Variants in SDK2 observed in about 807,000 individuals in gnomAD.
The protein encoded by SDK2 is protein sidekick-2.
SDK2 carries 105 observed loss-of-function variants against 253.9 expected under a neutral mutation model. The observed-to-expected ratio is 0.41, with a 90% CI of 0.35 to 0.49. SDK2 has a LOEUF of 0.49. SDK2 is among the 20% of genes least tolerant of loss of function. The pLI is 0.06. For missense variants in SDK2, 2,608 were observed against 3,003.0 expected (o/e 0.87, Z 3.07); for synonymous variants, 1,249 against 1,234.9 (o/e 1.01, Z -0.24).
chr17:73,423,816 G>A lies in SDK2; in HGVS notation c.1760+100C>T, dbSNP rs73347744. On this transcript the variant is annotated intron_variant, in intron 13 of 44. Coordinates refer to ENST00000392650, the MANE Select transcript of SDK2 (RefSeq NM_001144952.2). The stretch of plus-strand genomic sequence containing the variant: ...CAAAGCTGAACAGTTCAGGTCACAC[G>A]TGGCCTGGGGATCTGAAAAAAGGGA... 6,063 of 975,838 alleles carry A rather than the reference G, an allele frequency of 6.2e-3. 234 individuals are homozygous for A. In the African/African-American group the frequency reaches 0.11, roughly 18 times the overall value. The allele number at this position is 975,838 out of a possible 1,614,324, so 60.4% of individuals were successfully genotyped here. A position where few individuals can be genotyped will look rare whatever the true frequency, so the allele number is the denominator to read the frequency against.
chr17:73,557,456 C>G (rs946766552), intron 1 of SDK2, among the ~76,000 whole-genome samples: 1 of 152,132 alleles, frequency 6.6e-6, no homozygotes, highest in African/African-American at 2.4e-5. Flanking sequence ...GTGTGTACCA[C>G]CACATCTGGC....
At chr17:73,494,108 TGA>T (rs1203241433) in intron 2 of SDK2, among the ~76,000 whole-genome samples, 1 of 152,112 alleles carries the variant, frequency 6.6e-6, no homozygotes, top group Admixed American at 6.5e-5. Flanking sequence ...ACCAGGGAAA[TGA>T]CACTGAGTGA....
intron 3 of SDK2, among the ~76,000 whole-genome samples, chr17:73,470,634 A>G (rs1201873186): frequency 2.0e-5 from 3 of 152,346 alleles, no homozygotes; most frequent in Admixed American, 2.0e-4. Flanking sequence ...TTATGGGGAC[A>G]ATCCATCCTC....
At chr17:73,560,715 T>C (rs1277365722) in intron 1 of SDK2, among the ~76,000 whole-genome samples, 1 of 152,050 alleles carries the variant, frequency 6.6e-6, no homozygotes, top group African/African-American at 2.4e-5. Flanking sequence ...GCTGTGTAAA[T>C]ACAGAACTTC....
In SDK2 at chr17:73,402,159, A is replaced by G; in HGVS notation, c.2485-18T>C. On this transcript the variant is annotated intron_variant, in intron 18 of 44. Transcript: ENST00000392650. ...GCGATCAGCTGCGGAGAGGCGAGCA[A>G]GTCACACAGGGCAGCAGGAAGGTTC... The G allele has an allele frequency of 6.2e-7, 1 of 1,609,404 alleles. No homozygotes were observed. Among genetic ancestry groups the G allele is most frequent in the Non-Finnish European group, 8.5e-7 (1 of 1,177,212 alleles).
Position 73,402,116 on chromosome 17 carries a change from TC to T in SDK2, c.2509del (p.Glu837LysfsTer7). On this transcript the variant is annotated frameshift_variant, in exon 19 of 45. Coordinates refer to ENST00000392650, the MANE Select transcript of SDK2 (RefSeq NM_001144952.2). LOFTEE classifies it high-confidence loss of function. Reference sequence around the variant, plus strand: ...GGCGGTCACCATGGTAACCTCCTCTTCCTGTTCCGGCTCCCAGGCGATCAGC... The same window carrying T: ...GGCGGTCACCATGGTAACCTCCTCTTCTGTTCCGGCTCCCAGGCGATCAGC... ...YKLIAWEPEQ[E>X]EEVTMVTARP... is the part of the protein sequence containing the mutation. 1 of 1,613,900 alleles carries T rather than the reference TC, an allele frequency of 6.2e-7. No individual in the cohort carries two copies. The highest frequency in any genetic ancestry group is 2.2e-5 in the East Asian group (1 of 44,876).
Position 73,401,988 on chromosome 17 carries a change from C to T in SDK2, c.2638G>A (p.Gly880Arg). ...SVLCFTTPGD[G>R]PRSTPQLVRT... The stretch of plus-strand genomic sequence containing the variant: ...ACCAGCTGCGGGGTGCTGCGTGGCC[C>T]GTCCCCGGGGGTGGTGAAACACAGC... The change falls in exon 19 of 45, where the codon GGG (glycine) becomes AGG (arginine). Residue 880 changes from glycine (G) to arginine (R), a missense_variant. By Grantham distance (125) the Gly-to-Arg change is moderately radical. Transcript: ENST00000392650. 1 of 1,613,396 alleles carries T rather than the reference C, an allele frequency of 6.2e-7. No individual in the cohort carries two copies. The highest frequency in any genetic ancestry group is 2.2e-5 in the East Asian group (1 of 44,844).
intron 5 of SDK2, 135 bp from the exon 6 acceptor site, chr17:73,441,058 C>A: frequency 1.6e-6 from 1 of 628,356 alleles, no homozygotes; most frequent in Admixed American, 2.9e-5. Flanking sequence ...AGCCCCAGAG[C>A]AGACCTCCAG....
At chr17:73,393,801 T>C (rs1462474794) in intron 26 of SDK2, 52 bp from the exon 27 acceptor site, 2 of 1,395,404 alleles carry the variant, frequency 1.4e-6, no homozygotes, top group African/African-American at 1.4e-5. Flanking sequence ...CTCACCCATC[T>C]ACACTTTTCC....
At chr17:73,483,704 TA>T (rs1208071498) in intron 2 of SDK2, among the ~76,000 whole-genome samples, 713 of 66,438 alleles carry the variant, frequency 0.011, 59 homozygotes, top group African/African-American at 0.019. Context: ...TATATATATA[TA>T]TATTTTTTTT....
At chr17:73,520,068 C>T (rs1487677800) in intron 1 of SDK2, 1 of 152,280 alleles carries the variant, frequency 6.6e-6, no homozygotes, top group East Asian at 1.9e-4. Flanking sequence ...CAGTTACAGT[C>T]CCCGAGCAAT....
At chr17:73,613,584 GCCCCACCCCCACCCCCAC>G (rs67110443) in intron 1 of SDK2, among the ~76,000 whole-genome samples, 1 of 118,914 alleles carries the variant, frequency 8.4e-6, no homozygotes, top group African/African-American at 3.4e-5. Context: ...CCACTGTGCG[GCCCCACCCCCACCCCCAC>G]CCCCAGCCCC....
intron 1 of SDK2, among the ~76,000 whole-genome samples, chr17:73,583,106 C>T (rs78607379): frequency 0.014 from 2,088 of 152,286 alleles, 60 homozygotes; most frequent in African/African-American, 0.049. Flanking sequence ...CCCTACTGGA[C>T]CGCTCAACTA....
intron 1 of SDK2, among the ~76,000 whole-genome samples, chr17:73,565,155 C>T (rs966004921): frequency 5.3e-5 from 8 of 152,142 alleles, no homozygotes; most frequent in South Asian, 2.1e-4. Flanking sequence ...ACAGAGTTTG[C>T]GGCAACCGCA....
intron 1 of SDK2, among the ~76,000 whole-genome samples, chr17:73,537,270 C>A (rs777440047): frequency 6.6e-6 from 1 of 152,186 alleles, no homozygotes; most frequent in Non-Finnish European, 1.5e-5. Context: ...CTTGCCCCTG[C>A]CAAATGGCCG....
chr17:73,518,304 TTTC>T (rs60160724), intron 1 of SDK2: 23,835 of 152,256 alleles, frequency 0.16, 2,307 homozygotes, highest in Admixed American at 0.23. Context: ...ACAGGCTGTG[TTTC>T]CCTGGGCATC....
At chr17:73,533,670 C>A (rs1302929685) in intron 1 of SDK2, among the ~76,000 whole-genome samples, 3 of 122,382 alleles carry the variant, frequency 2.5e-5, no homozygotes, top group African/African-American at 9.0e-5. Context: ...AAAGGGCCCT[C>A]CCCCAGCCCC....
intron 1 of SDK2, among the ~76,000 whole-genome samples, chr17:73,568,068 C>T (rs1002890451): frequency 6.6e-6 from 1 of 152,288 alleles, no homozygotes; most frequent in Admixed American, 6.5e-5. Context: ...GTGTCCCCTC[C>T]AAATCTCATG....
At chr17:73,370,730 G>C (rs186575544) in intron 36 of SDK2, among the ~76,000 whole-genome samples, 1 of 151,998 alleles carries the variant, frequency 6.6e-6, no homozygotes, top group Non-Finnish European at 1.5e-5. Context: ...TATTTCTTTC[G>C]TAGAGATGGG....
Sources: allele counts gnomAD v4.1 joint callset (sites outside exome capture counted in the v4.1 genomes callset), GRCh38; gene constraint gnomAD v4.1.1; transcripts MANE v1.5; gene names NCBI Gene and HGNC (gene_info 2026-07-23, HGNC 2026-07-21).